Variants in METTL16 observed in about 807,000 individuals in gnomAD.
METTL16 encodes the protein RNA N(6)-adenosine-methyltransferase METTL16.
Under a neutral mutation model 57.9 loss-of-function variants are expected in METTL16, and 19 were observed. That is an observed-to-expected ratio of 0.33 (90% CI 0.23 to 0.48). METTL16 has a LOEUF of 0.48. Among genes scored for constraint, METTL16 ranks in the 20% least tolerant of loss-of-function variants. The pLI is 0.99. For synonymous variants in METTL16, 246 were observed against 255.6 expected (o/e 0.96, Z 0.36); for missense variants, 434 against 691.5 (o/e 0.63, Z 4.18).
At chr17:2,476,871 G>C (rs2067271898) in intron 3 of METTL16, among the ~76,000 whole-genome samples, 1 of 151,876 alleles carries the variant, frequency 6.6e-6, no homozygotes, top group African/African-American at 2.4e-5. Context: ...CAGGAGCATT[G>C]CTTGAACCCG....
chr17:2,467,966 C>CT, intron 4 of METTL16, 90 bp from the exon 5 acceptor site: 1 of 853,118 alleles, frequency 1.2e-6, no homozygotes, highest in Admixed American at 1.9e-5. Flanking sequence ...CTTTGGTCAA[C>CT]TGCATATATG....
At chr17:2,456,736 T>C (rs1303259161) in intron 6 of METTL16, among the ~76,000 whole-genome samples, 1 of 152,180 alleles carries the variant, frequency 6.6e-6, no homozygotes, top group Non-Finnish European at 1.5e-5. Flanking sequence ...TGCAAAGTGC[T>C]GAGATTACAG....
chr17:2,444,199 CT>C (rs1444229382), intron 6 of METTL16, among the ~76,000 whole-genome samples: 2 of 152,130 alleles, frequency 1.3e-5, no homozygotes, highest in East Asian at 3.9e-4. Context: ...GGCACGGTGG[CT>C]CACACTTTGG....
In METTL16 at chr17:2,467,841, C is replaced by CA; in HGVS notation, c.504dup (p.Ala169CysfsTer3). ...ATTATCTCAGATTCTTCTTTAAGAG[C>CA]ATCCATCAGGAGTGTCTTCTGTGGC... On this transcript the variant is annotated frameshift_variant, in exon 5 of 10. Transcript: ENST00000263092. LOFTEE classifies it high-confidence loss of function. 1 of 1,614,126 alleles carries CA rather than the reference C, an allele frequency of 6.2e-7. No homozygotes were observed. Among genetic ancestry groups the CA allele is most frequent in the Non-Finnish European group, 8.5e-7 (1 of 1,179,980 alleles).
chr17:2,423,433 T>G (rs1345511349), intron 8 of METTL16, among the ~76,000 whole-genome samples: 2 of 152,204 alleles, frequency 1.3e-5, no homozygotes, highest in African/African-American at 2.4e-5. Flanking sequence ...TTGTTATTAC[T>G]CAATCATCCT....
intron 2 of METTL16, among the ~76,000 whole-genome samples, chr17:2,499,895 A>AG (rs2067475122): frequency 6.6e-6 from 1 of 152,058 alleles, no homozygotes; most frequent in South Asian, 2.1e-4. Flanking sequence ...CTGTGACTAT[A>AG]GTGTGCATCA....
intron 1 of METTL16, among the ~76,000 whole-genome samples, chr17:2,505,028 G>T (rs2151581086): frequency 6.6e-6 from 1 of 152,134 alleles, no homozygotes. Flanking sequence ...ACATAATTTT[G>T]TCTTCTTCCA....
At chr17:2,444,541 C>T (rs537928229) in intron 6 of METTL16, among the ~76,000 whole-genome samples, 1 of 152,054 alleles carries the variant, frequency 6.6e-6, no homozygotes, top group African/African-American at 2.4e-5. Context: ...CATCATAGCA[C>T]AGTTTTAAAA....
At chr17:2,478,561 A>T (rs557859263) in intron 2 of METTL16, among the ~76,000 whole-genome samples, 1 of 152,360 alleles carries the variant, frequency 6.6e-6, no homozygotes, top group South Asian at 2.1e-4. Context: ...ATATTAACAG[A>T]GTCGTGCAAC....
chr17:2,448,147 C>T (rs2067028207), intron 6 of METTL16, among the ~76,000 whole-genome samples: 1 of 145,790 alleles, frequency 6.9e-6, no homozygotes, highest in African/African-American at 2.5e-5. Flanking sequence ...GCCCGGCCGG[C>T]CGCCCCGTCC....
chr17:2,422,194 C>G (rs1217639412), intron 8 of METTL16, among the ~76,000 whole-genome samples: 1 of 151,932 alleles, frequency 6.6e-6, no homozygotes, highest in Non-Finnish European at 1.5e-5. Flanking sequence ...CACCTATAAT[C>G]CCAGCTACTC....
intron 7 of METTL16, among the ~76,000 whole-genome samples, chr17:2,440,170 T>C (rs2066937477): frequency 6.6e-6 from 1 of 152,046 alleles, no homozygotes; most frequent in Admixed American, 6.6e-5. Flanking sequence ...AGTGGGAGGA[T>C]TGCTTAAGCC....
At chr17:2,460,784 C>T (rs1400570386) in intron 6 of METTL16, among the ~76,000 whole-genome samples, 1 of 151,298 alleles carries the variant, frequency 6.6e-6, no homozygotes, top group Non-Finnish European at 1.5e-5. Context: ...ACTCGGGAGG[C>T]TGAGGCAGGA....
chr17:2,496,137 CA>C (rs958144388), intron 2 of METTL16, among the ~76,000 whole-genome samples: 4 of 150,550 alleles, frequency 2.7e-5, no homozygotes, highest in African/African-American at 9.9e-5. Flanking sequence ...CACACACACA[CA>C]AAACAAAACA....
intron 6 of METTL16, among the ~76,000 whole-genome samples, chr17:2,463,538 T>A (rs770825601): frequency 2.0e-4 from 30 of 152,104 alleles, no homozygotes; most frequent in Admixed American, 2.0e-3. Flanking sequence ...CTCGGCTCAC[T>A]GCAACCTCTG....
At position 2,419,867 on chromosome 17, in the gene METTL16, A is replaced by C; in HGVS notation, c.*103T>G. On this transcript the variant is annotated 3_prime_UTR_variant, in exon 10 of 10. Coordinates refer to ENST00000263092, the MANE Select transcript of METTL16 (RefSeq NM_024086.4). The stretch of plus-strand genomic sequence containing the variant: ...GGTTTTTGTTTTCGAAGATAATTCC[A>C]CATCGTGCTACTAATGGGCCGCTGG... 1 of 1,383,560 alleles carries C rather than the reference A, an allele frequency of 7.2e-7. No individual in the cohort carries two copies. The allele number at this position is 1,383,560 out of a possible 1,614,324, so 85.7% of individuals were successfully genotyped here. A position where few individuals can be genotyped will look rare whatever the true frequency, so the allele number is the denominator to read the frequency against.
intron 1 of METTL16, among the ~76,000 whole-genome samples, chr17:2,505,390 G>C (rs2067523418): frequency 8.0e-6 from 1 of 124,378 alleles, no homozygotes; most frequent in Non-Finnish European, 1.6e-5. Flanking sequence ...GTCAAGCCCA[G>C]AGGCATTTTT....
At chr17:2,499,128 C>A (rs2067468642) in intron 2 of METTL16, among the ~76,000 whole-genome samples, 1 of 151,532 alleles carries the variant, frequency 6.6e-6, no homozygotes, top group African/African-American at 2.4e-5. Context: ...TTCTCCCATA[C>A]TAAAAGGTTA....
chr17:2,476,777 G>A (rs1383199016), intron 3 of METTL16, among the ~76,000 whole-genome samples: 1 of 151,698 alleles, frequency 6.6e-6, no homozygotes, highest in Non-Finnish European at 1.5e-5. Context: ...TCAACATGGT[G>A]AAATCCCACC....
Sources: allele counts gnomAD v4.1 joint callset (sites outside exome capture counted in the v4.1 genomes callset), GRCh38; gene constraint gnomAD v4.1.1; transcripts MANE v1.5; gene names NCBI Gene and HGNC (gene_info 2026-07-23, HGNC 2026-07-21).